The following CFAP54 variants were observed in gnomAD, a reference collection of about 807,000 sequenced individuals.
CFAP54 encodes the protein cilia and flagella associated protein 54.
Under a neutral mutation model 370.4 loss-of-function variants are expected in CFAP54, and 290 were observed. The ratio of observed to expected loss-of-function variants is 0.78; its 90% CI spans 0.71 to 0.86. CFAP54 has a LOEUF of 0.86. Among genes scored for constraint, CFAP54 ranks in the 40% least tolerant of loss-of-function variants. The pLI, the probability that CFAP54 is intolerant of heterozygous loss-of-function variation, is 0.00. For synonymous variants in CFAP54, 1,206 were observed against 1,236.5 expected, an observed-to-expected ratio of 0.98 and a Z score of 0.52; for missense variants, 3,399 against 3,528.7, an observed-to-expected ratio of 0.96 and a Z score of 0.93.
intron 40 of CFAP54, among the ~76,000 whole-genome samples, chr12:96,681,289 C>T (rs1957268156): frequency 6.6e-6 from 1 of 151,946 alleles, no homozygotes. Context: ...GCTTCTTTCT[C>T]TATTACTTTT....
intron 12 of CFAP54, among the ~76,000 whole-genome samples, chr12:96,536,511 G>T (rs772997956): frequency 6.6e-5 from 10 of 152,094 alleles, no homozygotes; most frequent in Non-Finnish European, 1.5e-4. Flanking sequence ...TTGAAAGAAA[G>T]GTGTTTGGCA....
chr12:96,772,230 A>T (rs570162587), intron 60 of CFAP54, among the ~76,000 whole-genome samples: 12 of 152,168 alleles, frequency 7.9e-5, no homozygotes, highest in Non-Finnish European at 1.5e-4. Context: ...TTAGTGTCCT[A>T]TTCCTGCTGT....
intron 58 of CFAP54, 147 bp from the exon 59 acceptor site, chr12:96,764,003 TC>T: frequency 2.0e-6 from 1 of 509,470 alleles, no homozygotes; most frequent in Non-Finnish European, 3.4e-6. Context: ...CACTTTTCTT[TC>T]CTCAATGTAT....
intron 65 of CFAP54, 79 bp downstream of exon 65, chr12:96,817,992 TTAAACTCTG>T (rs1958995974): frequency 1.4e-5 from 14 of 1,036,286 alleles, no homozygotes; most frequent in Admixed American, 3.4e-5. Context: ...GTAACTGGAC[TTAAACTCTG>T]TAATTCTTCT....
intron 40 of CFAP54, among the ~76,000 whole-genome samples, chr12:96,681,172 T>C (rs1157606368): frequency 6.6e-6 from 1 of 151,394 alleles, no homozygotes; most frequent in Non-Finnish European, 1.5e-5. Context: ...GCAAATGCAA[T>C]TCCTAGGAAT....
At chr12:96,838,265 A>G (rs553123160) in intron 66 of CFAP54, among the ~76,000 whole-genome samples, 2 of 152,272 alleles carry the variant, frequency 1.3e-5, no homozygotes, top group South Asian at 4.1e-4. Flanking sequence ...AAATCCTAAA[A>G]GCCCTTGATG....
intron 19 of CFAP54, among the ~76,000 whole-genome samples, chr12:96,567,120 G>GAAACAGGAGCGC (rs1955871472): frequency 6.6e-6 from 1 of 152,162 alleles, no homozygotes; most frequent in Non-Finnish European, 1.5e-5. Context: ...AAGAGCCAGA[G>GAAACAGGAGCGC]AAACAGGAGC....
chr12:96,515,567 G>A (rs933640572), intron 5 of CFAP54, among the ~76,000 whole-genome samples: 4 of 152,160 alleles, frequency 2.6e-5, no homozygotes, highest in African/African-American at 4.8e-5. Context: ...AGGTCCCACC[G>A]TGTGTGAGAT....
intron 25 of CFAP54, among the ~76,000 whole-genome samples, chr12:96,597,081 A>G (rs1159784052): frequency 6.6e-6 from 1 of 152,092 alleles, no homozygotes; most frequent in Non-Finnish European, 1.5e-5. Context: ...TGGTAAAGTA[A>G]TTTTAATTTA....
chr12:96,495,238 C>CTCCTTCCTTCCT (rs58756915), intron 1 of CFAP54, among the ~76,000 whole-genome samples: 122 of 133,192 alleles, frequency 9.2e-4, no homozygotes, highest in African/African-American at 2.7e-3. Flanking sequence ...CTTTTCTTTT[C>CTCCTTCCTTCCT]TCCTTCCTTC....
intron 60 of CFAP54, among the ~76,000 whole-genome samples, chr12:96,774,983 C>T (rs987604993): frequency 1.3e-5 from 2 of 152,112 alleles, no homozygotes; most frequent in African/African-American, 4.8e-5. Flanking sequence ...GTTGAAGTCA[C>T]CAAATATTTT....
intron 61 of CFAP54, among the ~76,000 whole-genome samples, chr12:96,785,255 C>T (rs916571432): frequency 2.7e-5 from 4 of 150,868 alleles, no homozygotes; most frequent in Non-Finnish European, 5.9e-5. Flanking sequence ...GTCCAGTAGC[C>T]GGTATGTCAG....
At chr12:96,635,370 C>T (rs815905) in intron 32 of CFAP54, among the ~76,000 whole-genome samples, 29,516 of 151,840 alleles carry the variant, frequency 0.19, 3,485 homozygotes, top group South Asian at 0.32. Flanking sequence ...TATGATCGTG[C>T]GATAAACTAC....
At chr12:96,515,019 T>C (rs1217369856) in intron 5 of CFAP54, among the ~76,000 whole-genome samples, 3 of 151,682 alleles carry the variant, frequency 2.0e-5, no homozygotes, top group Admixed American at 6.6e-5. Context: ...TCTTTTTTTT[T>C]TTTTTTTGAG....
chr12:96,660,000 A>G (rs944827966), intron 38 of CFAP54, among the ~76,000 whole-genome samples: 2 of 152,256 alleles, frequency 1.3e-5, no homozygotes, highest in African/African-American at 4.8e-5. Flanking sequence ...GCCAGAAAAT[A>G]AACATGTAAA....
At chr12:96,667,405 G>T (rs1478591272) in intron 39 of CFAP54, among the ~76,000 whole-genome samples, 1 of 152,196 alleles carries the variant, frequency 6.6e-6, no homozygotes, top group Admixed American at 6.5e-5. Flanking sequence ...GGACATTCAG[G>T]TGTTTCCATA....
At chr12:96,619,847 A>G (rs1343199718) in intron 26 of CFAP54, among the ~76,000 whole-genome samples, 3 of 152,134 alleles carry the variant, frequency 2.0e-5, no homozygotes, top group African/African-American at 7.2e-5. Flanking sequence ...TACATTTCAT[A>G]ATGAGATTTG....
rs763068525 is a variant in CFAP54, at chr12:96,630,184, G to A, written c.4195G>A (p.Ala1399Thr). The change falls in exon 31 of 68, where the codon GCA becomes ACA. Residue 1399 changes from alanine to threonine, a missense_variant. Physicochemically the swap from Ala to Thr is moderately conservative, Grantham distance 58. Transcript: ENST00000524981. ...KANKSLKFKA[A>T]VMEIGRSAEM... Reference sequence around the variant, plus strand: ...AAACAAATCTTTAAAGTTCAAAGCTGCAGTAATGGAAATTGGAAGAGTAAG... The same window carrying A: ...AAACAAATCTTTAAAGTTCAAAGCTACAGTAATGGAAATTGGAAGAGTAAG... 2.0e-6 allele frequency: 3 copies of A among 1,490,672 alleles called. No individual in the cohort carries two copies. In the South Asian group the frequency reaches 3.7e-5, roughly 18 times the overall value. The allele number at this position is 1,490,672 out of a possible 1,614,324, so 92.3% of individuals were successfully genotyped here. A position where few individuals can be genotyped will look rare whatever the true frequency, so the allele number is the denominator to read the frequency against.
chr12:96,494,369 C>G (rs1035908248), intron 1 of CFAP54, among the ~76,000 whole-genome samples: 5 of 152,024 alleles, frequency 3.3e-5, no homozygotes, highest in African/African-American at 9.7e-5. Context: ...GGTGCAATCT[C>G]AGCTCACTGC....
Sources: gnomAD v4.1 joint callset for allele counts (sites outside exome capture counted in the v4.1 genomes callset) on GRCh38, gnomAD v4.1.1 for gene constraint, MANE v1.5 for transcripts, NCBI Gene and HGNC (gene_info 2026-07-23, HGNC 2026-07-21) for gene names.